The following ADCY9 variants were observed in gnomAD, a reference collection of about 807,000 sequenced individuals.
ADCY9 encodes adenylate cyclase 9, also known as adenylate cyclase type 9.
Under a neutral mutation model 101.5 loss-of-function variants are expected in ADCY9, and 50 were observed. That is an observed-to-expected ratio of 0.49 (90% confidence interval 0.39 to 0.62). The LOEUF (loss-of-function observed/expected upper bound fraction) is 0.62. Ranked by LOEUF, ADCY9 falls within the 20% of genes least tolerant of loss-of-function variation. The pLI is 0.00. For synonymous variants in ADCY9, 905 were observed against 769.3 expected (o/e 1.18, Z -2.92); for missense variants, 1,662 against 1,800.4 (o/e 0.92, Z 1.39).
At chr16:4,064,078 G>A (rs1193748571) in intron 2 of ADCY9, among the ~76,000 whole-genome samples, 3 of 152,092 alleles carry the variant, frequency 2.0e-5, no homozygotes, top group African/African-American at 7.2e-5. Flanking sequence ...TAATAAGCAA[G>A]TTTAACATGT....
In ADCY9 at chr16:4,083,315, T is replaced by C. The variant is rs567868031; in HGVS notation, c.1693+30435A>G. 2.0e-5 allele frequency among the ~76,000 whole-genome samples: 3 copies of C among 152,328 alleles called. No individual in the cohort carries two copies. The South Asian group carries it at 6.2e-4, about 32-fold the overall frequency. ...TTTCTGTTTGTGTGGGATACAAAAG[T>C]GTCTTTCCACTAGTGTGGCTATAAT... On this transcript the variant is annotated intron_variant, in intron 2 of 10. Transcript: ENST00000294016.
chr16:4,078,571 A>C (rs934676164), intron 2 of ADCY9, among the ~76,000 whole-genome samples: 1 of 99,912 alleles, frequency 1.0e-5, no homozygotes, highest in African/African-American at 2.9e-5. Context: ...AGAAAAAAAA[A>C]AAAGAAAACA....
chr16:3,954,085 TG>T (rs2055895056), intron 5 of ADCY9, among the ~76,000 whole-genome samples: 1 of 152,200 alleles, frequency 6.6e-6, no homozygotes. Context: ...GGCACTCATC[TG>T]GGTGTTATCA....
At chr16:4,074,279 T>C (rs78932242) in intron 2 of ADCY9, among the ~76,000 whole-genome samples, 4,408 of 152,060 alleles carry the variant, frequency 0.029, 204 homozygotes, top group African/African-American at 0.1. Flanking sequence ...ATATAATAAA[T>C]GGTATAATAT....
intron 2 of ADCY9, among the ~76,000 whole-genome samples, chr16:4,053,155 G>A (rs1457006842): frequency 6.6e-6 from 1 of 152,168 alleles, no homozygotes; most frequent in Non-Finnish European, 1.5e-5. Flanking sequence ...ATGGGCATGC[G>A]CTTCCGGCCA....
At chr16:4,090,739 C>A (rs1170487007) in intron 2 of ADCY9, among the ~76,000 whole-genome samples, 2 of 151,268 alleles carry the variant, frequency 1.3e-5, no homozygotes, top group Admixed American at 6.6e-5. Flanking sequence ...TTAAATACTA[C>A]TTTTTTTTCA....
At chr16:3,996,334 C>T (rs1272467065) in intron 3 of ADCY9, among the ~76,000 whole-genome samples, 9 of 152,222 alleles carry the variant, frequency 5.9e-5, no homozygotes, top group Admixed American at 5.2e-4. Flanking sequence ...TGCACTCCAG[C>T]GTGGGTGACA....
In ADCY9 at chr16:4,114,339, G is replaced by A. The variant is rs1156275730; in HGVS notation, c.1104C>T (p.Asn368=). The A allele has an allele frequency of 2.5e-6, 4 of 1,614,012 alleles. No individual in the cohort carries two copies. The highest frequency in any genetic ancestry group is 4.5e-5 in the East Asian group (2 of 44,888). The change falls in exon 2 of 11, where the codon AAC becomes AAT. Residue 368 remains asparagine (N), a synonymous_variant. Coordinates refer to ENST00000294016, the MANE Select transcript of ADCY9 (RefSeq NM_001116.4). The surrounding 1 kb of genome is among the most constrained non-coding windows in gnomAD (Gnocchi z 4.3). ...VKRHATSSPK[N]RKKKSSIQKA... ...TTTGGATGGAAGACTTTTTCTTCCT[G>A]TTCTTGGGGCTCGAGGTGGCATGCC...
chr16:3,962,586 A>C (rs139380454), downstream of ADCY9: 4 of 152,198 alleles, frequency 2.6e-5, no homozygotes, highest in African/African-American at 9.7e-5. Flanking sequence ...GAGCTGTCCA[A>C]GGAAGACCGC....
chr16:4,113,166 T>A (rs1244808494), intron 2 of ADCY9, among the ~76,000 whole-genome samples: 2 of 140,832 alleles, frequency 1.4e-5, no homozygotes, highest in Non-Finnish European at 3.1e-5. Context: ...AAATGCAAAC[T>A]TTTTTTAAAA....
At chr16:3,993,589 C>A in intron 3 of ADCY9, 79 bp from the exon 4 acceptor site, 1 of 1,552,332 alleles carries the variant, frequency 6.4e-7, no homozygotes. Context: ...TCCGCTGTTG[C>A]CATCTGCCGT....
At position 4,115,246 on chromosome 16, in the gene ADCY9, C is replaced by A; in HGVS notation, c.197G>T (p.Arg66Leu). 6.2e-7 allele frequency: 1 copy of A among 1,613,252 alleles called. No individual in the cohort carries two copies. Among genetic ancestry groups the A allele is most frequent in the Non-Finnish European group, 8.5e-7 (1 of 1,179,552 alleles). The change falls in exon 2 of 11, where the codon CGA becomes CTA. Residue 66 changes from arginine to leucine, a missense_variant. Coordinates refer to ENST00000294016, the MANE Select transcript of ADCY9 (RefSeq NM_001116.4). The surrounding 1 kb of genome is among the most constrained non-coding windows in gnomAD (Gnocchi z 6.2). ...SSGDSGGVPR[R>L]VGGGGRLRRQ... ...GCGCAGCCGGCCTCCGCCGCCCACTCGCCGGGGGACGCCCCCGGAGTCCCC... is the reference window on the plus strand; with the variant it reads ...GCGCAGCCGGCCTCCGCCGCCCACTAGCCGGGGGACGCCCCCGGAGTCCCC...
chr16:4,057,807 T>C (rs2056750041), intron 2 of ADCY9, among the ~76,000 whole-genome samples: 1 of 152,042 alleles, frequency 6.6e-6, no homozygotes, highest in Admixed American at 6.6e-5. Context: ...TCCAACCCAG[T>C]GCTGCAAGAG....
At chr16:4,091,689 C>G (rs1309257656) in intron 2 of ADCY9, among the ~76,000 whole-genome samples, 1 of 152,176 alleles carries the variant, frequency 6.6e-6, no homozygotes, top group Non-Finnish European at 1.5e-5. Context: ...ACATGCTGAG[C>G]GAGAGAATCC....
At chr16:4,086,574 A>G (rs1283529236) in intron 2 of ADCY9, among the ~76,000 whole-genome samples, 1 of 152,152 alleles carries the variant, frequency 6.6e-6, no homozygotes, top group Non-Finnish European at 1.5e-5. Context: ...CTTAGGGGAC[A>G]GCTCACTCTC....
intron 2 of ADCY9, among the ~76,000 whole-genome samples, chr16:4,072,229 A>AGATTACAAGAGCTG (rs2056839079): frequency 1.3e-5 from 2 of 152,168 alleles, no homozygotes; most frequent in South Asian, 4.1e-4. Context: ...AGGGCATGTG[A>AGATTACAAGAGCTG]GATTACAAGA....
intron 2 of ADCY9, among the ~76,000 whole-genome samples, chr16:4,010,788 G>A (rs967003742): frequency 3.9e-5 from 6 of 152,188 alleles, no homozygotes; most frequent in Non-Finnish European, 8.8e-5. Context: ...AGGCGTTGTG[G>A]AGTGAGAGTC....
At chr16:4,008,848 C>T (rs892981923) in intron 2 of ADCY9, among the ~76,000 whole-genome samples, 4 of 152,104 alleles carry the variant, frequency 2.6e-5, no homozygotes, top group African/African-American at 7.2e-5. Context: ...TGCACCCGGT[C>T]GCAGGGACCC....
chr16:4,102,844 C>T (rs2057052378), intron 2 of ADCY9, among the ~76,000 whole-genome samples: 1 of 152,118 alleles, frequency 6.6e-6, no homozygotes. Flanking sequence ...GCCTCAACCT[C>T]CTGAGTAGCT....
Sources: allele counts gnomAD v4.1 joint callset (sites outside exome capture counted in the v4.1 genomes callset), GRCh38; gene constraint gnomAD v4.1.1; non-coding constraint Gnocchi (gnomAD v3.1); transcripts MANE v1.5; gene names NCBI Gene and HGNC (gene_info 2026-07-23, HGNC 2026-07-21).